Variants in XKR6 observed in about 807,000 individuals in gnomAD.
XKR6 encodes XK-related protein 6.
A neutral mutation model predicts 56.7 loss-of-function variants in XKR6; 22 were observed. The ratio of observed to expected loss-of-function variants is 0.39; its 90% CI spans 0.28 to 0.55. The LOEUF is 0.55. XKR6 is among the 20% of genes least tolerant of loss of function. The pLI is 0.66. For synonymous variants in XKR6, 524 were observed against 387.8 expected, an observed-to-expected ratio of 1.35 and a Z score of -4.13; for missense variants, 852 against 889.0, an observed-to-expected ratio of 0.96 and a Z score of 0.53.
intron 1 of XKR6, among the ~76,000 whole-genome samples, chr8:11,115,315 C>T (rs534198103): frequency 2.0e-5 from 3 of 152,250 alleles, no homozygotes; most frequent in Admixed American, 2.0e-4. Flanking sequence ...AACATAATGC[C>T]TCAGGCTATT....
intron 1 of XKR6, among the ~76,000 whole-genome samples, chr8:10,986,222 C>T (rs1428474291): frequency 1.3e-5 from 2 of 152,138 alleles, no homozygotes; most frequent in Non-Finnish European, 2.9e-5. Context: ...GATGATTCGA[C>T]ATCTGGAGAA....
At chr8:11,133,349 C>T (rs1001808169) in intron 1 of XKR6, among the ~76,000 whole-genome samples, 1 of 152,082 alleles carries the variant, frequency 6.6e-6, no homozygotes, top group African/African-American at 2.4e-5. Context: ...AATCGTTCCT[C>T]TGTCATGATT....
At chr8:10,938,391 G>A (rs868009701) in intron 1 of XKR6, among the ~76,000 whole-genome samples, 2 of 152,212 alleles carry the variant, frequency 1.3e-5, no homozygotes, top group Admixed American at 6.5e-5. Context: ...GCTGTAGAGC[G>A]GAGCTGTTCC....
chr8:11,075,286 G>C (rs1440321828), intron 1 of XKR6, among the ~76,000 whole-genome samples: 4 of 152,216 alleles, frequency 2.6e-5, no homozygotes, highest in African/African-American at 7.2e-5. Context: ...CACCGACAAA[G>C]AGCCTGGACT....
intron 1 of XKR6, chr8:11,108,568 G>C (rs926040043): frequency 2.9e-6 from 1 of 345,352 alleles, no homozygotes; most frequent in Non-Finnish European, 5.6e-6. Flanking sequence ...TAGTGCCTTG[G>C]ACTCTATTTC....
At chr8:11,100,491 C>T (rs955866045) in intron 1 of XKR6, among the ~76,000 whole-genome samples, 5 of 152,222 alleles carry the variant, frequency 3.3e-5, no homozygotes, top group Non-Finnish European at 2.9e-5. Context: ...TACAAACTAT[C>T]GTGAGATCTT....
intron 1 of XKR6, among the ~76,000 whole-genome samples, chr8:11,062,485 T>C (rs1384885814): frequency 1.3e-5 from 2 of 152,198 alleles, no homozygotes; most frequent in Non-Finnish European, 2.9e-5. Flanking sequence ...TCCAGCTCCA[T>C]GAGGTCAGGA....
At chr8:11,129,153 T>C (rs1217630637) in intron 1 of XKR6, 3 of 359,034 alleles carry the variant, frequency 8.4e-6, no homozygotes, top group Admixed American at 7.6e-5. Flanking sequence ...TTTGGAGTGA[T>C]GAAAACATTT....
At position 10,935,316 on chromosome 8, in the gene XKR6, G is replaced by A. The variant is rs1055778738; in HGVS notation, c.765-10486C>T. ...TTTTTCTTTATTAGTCTTGCTAGCG[G>A]TCATTCAATTTTGTTGATCCTTTCA... On this transcript the variant is annotated intron_variant, in intron 1 of 2. Transcript: ENST00000416569. Among the ~76,000 whole-genome samples, 7 of 139,010 alleles carry A rather than the reference G, an allele frequency of 5.0e-5. No homozygotes were observed. In the South Asian group the frequency reaches 9.3e-4, roughly 18 times the overall value. 91.2% of individuals were successfully genotyped at this position (139,010 alleles called of 152,430 possible). A position where few individuals can be genotyped will look rare whatever the true frequency, so the allele number is the denominator to read the frequency against.
intron 1 of XKR6, among the ~76,000 whole-genome samples, chr8:10,993,086 A>T (rs1404447916): frequency 6.6e-6 from 1 of 152,230 alleles, no homozygotes; most frequent in African/African-American, 2.4e-5. Flanking sequence ...ATGTGTGTGT[A>T]TCTACATTTA....
intron 1 of XKR6, among the ~76,000 whole-genome samples, chr8:11,152,993 T>A (rs1366107510): frequency 6.6e-6 from 1 of 152,226 alleles, no homozygotes; most frequent in African/African-American, 2.4e-5. Context: ...TTTCTGACTA[T>A]GATCACAGAG....
intron 1 of XKR6, chr8:11,106,084 A>T (rs563197138): frequency 1.3e-5 from 2 of 152,314 alleles, no homozygotes; most frequent in Non-Finnish European, 2.9e-5. Flanking sequence ...TAAAGGAAAA[A>T]TTTTAGAATA....
intron 2 of XKR6, among the ~76,000 whole-genome samples, chr8:10,900,120 G>C (rs1452517666): frequency 6.6e-6 from 1 of 152,088 alleles, no homozygotes; most frequent in African/African-American, 2.4e-5. Context: ...GCCGAATGCT[G>C]TCCCACTGGC....
chr8:10,944,453 T>G (rs1482683551), intron 1 of XKR6, among the ~76,000 whole-genome samples: 2 of 152,004 alleles, frequency 1.3e-5, no homozygotes, highest in Admixed American at 6.6e-5. Context: ...CCCACTGACC[T>G]TTCGAAAATC....
chr8:11,179,005 GC>G (rs1486412580), intron 1 of XKR6, among the ~76,000 whole-genome samples: 4 of 146,590 alleles, frequency 2.7e-5, no homozygotes, highest in African/African-American at 1.0e-4. Context: ...ACCACACCTG[GC>G]TAATTTTCTT....
At chr8:11,024,115 A>G (rs920757913) in intron 1 of XKR6, among the ~76,000 whole-genome samples, 5 of 152,186 alleles carry the variant, frequency 3.3e-5, no homozygotes, top group Middle Eastern at 3.4e-3. Flanking sequence ...TGCTCCAGAG[A>G]GGTGGTTCAG....
intron 1 of XKR6, among the ~76,000 whole-genome samples, chr8:10,970,658 G>A (rs1802382995): frequency 6.6e-6 from 1 of 152,058 alleles, no homozygotes; most frequent in Non-Finnish European, 1.5e-5. Flanking sequence ...AGGGTGGATT[G>A]TTAATTCATT....
At chr8:10,980,601 G>C (rs564690782) in intron 1 of XKR6, among the ~76,000 whole-genome samples, 1 of 152,298 alleles carries the variant, frequency 6.6e-6, no homozygotes, top group South Asian at 2.1e-4. Context: ...CATGGATTAG[G>C]ACTGATGGAT....
chr8:11,129,534 GTAAC>G (rs933521786), intron 1 of XKR6, among the ~76,000 whole-genome samples: 1 of 152,144 alleles, frequency 6.6e-6, no homozygotes, highest in African/African-American at 2.4e-5. Context: ...TCAAGAGTCA[GTAAC>G]TAACTCTAGA....
Sources: allele counts gnomAD v4.1 joint callset (sites outside exome capture counted in the v4.1 genomes callset), GRCh38; gene constraint gnomAD v4.1.1; transcripts MANE v1.5; gene names NCBI Gene and HGNC (gene_info 2026-07-23, HGNC 2026-07-21).